The following MYO3B variants were observed in gnomAD, a reference collection of about 807,000 sequenced individuals.
MYO3B encodes myosin-IIIb.
A neutral mutation model predicts 174.6 loss-of-function variants in MYO3B; 156 were observed. The observed-to-expected ratio is 0.89, with a 90% CI of 0.78 to 1.02. The LOEUF (loss-of-function observed/expected upper bound fraction) is 1.02, where lower values mean the gene tolerates loss of function less well. Among genes scored for constraint, MYO3B ranks in the 50% least tolerant of loss-of-function variants. The probability of loss-of-function intolerance (pLI) is 0.00; values close to 1 mark genes in which losing one functional copy is unlikely to be tolerated. For missense variants in MYO3B, 1,632 were observed against 1,639.4 expected, an observed-to-expected ratio of 1.00 and a Z score of 0.08; for synonymous variants, 563 against 569.1, an observed-to-expected ratio of 0.99 and a Z score of 0.15.
chr2:170,508,951 C>T (rs1048619952), intron 28 of MYO3B, among the ~76,000 whole-genome samples: 6 of 152,142 alleles, frequency 3.9e-5, no homozygotes, highest in Non-Finnish European at 7.3e-5. Flanking sequence ...GCTCATGGTA[C>T]GTATTCACTA....
chr2:170,573,749 A>G (rs973516854), intron 32 of MYO3B, among the ~76,000 whole-genome samples: 8 of 152,204 alleles, frequency 5.3e-5, no homozygotes, highest in Admixed American at 1.3e-4. Flanking sequence ...AAGAAAAAAG[A>G]GACTTGTTAA....
intron 28 of MYO3B, among the ~76,000 whole-genome samples, chr2:170,506,046 G>T (rs1687602134): frequency 6.6e-6 from 1 of 152,232 alleles, no homozygotes; most frequent in Non-Finnish European, 1.5e-5. Flanking sequence ...TTTCTCTTCT[G>T]ATGCTCTTTG....
intron 25 of MYO3B, among the ~76,000 whole-genome samples, chr2:170,480,709 A>C (rs1162353704): frequency 6.6e-6 from 1 of 152,182 alleles, no homozygotes; most frequent in Non-Finnish European, 1.5e-5. Flanking sequence ...GACAATGTCC[A>C]AATTGATTTG....
At chr2:170,297,250 C>A (rs956927680) in intron 7 of MYO3B, among the ~76,000 whole-genome samples, 1 of 151,802 alleles carries the variant, frequency 6.6e-6, no homozygotes, top group Middle Eastern at 3.4e-3. Context: ...CCCCCCAATA[C>A]CCCTTCCATA....
intron 23 of MYO3B, among the ~76,000 whole-genome samples, chr2:170,453,569 C>T (rs916490649): frequency 1.3e-5 from 2 of 152,006 alleles, no homozygotes; most frequent in Non-Finnish European, 1.5e-5. Flanking sequence ...CCTTTCTCTG[C>T]AACTTTCAGA....
intron 6 of MYO3B, among the ~76,000 whole-genome samples, chr2:170,220,025 A>G (rs557229168): frequency 2.6e-4 from 39 of 151,262 alleles, no homozygotes; most frequent in Non-Finnish European, 4.1e-4. Flanking sequence ...TTGGGAGGCC[A>G]AGGTGGGCAG....
At chr2:170,566,368 A>G (rs113210272) in intron 32 of MYO3B, among the ~76,000 whole-genome samples, 7 of 152,226 alleles carry the variant, frequency 4.6e-5, no homozygotes, top group South Asian at 4.1e-4. Context: ...ATGGCATTGC[A>G]TAATCATTTT....
At chr2:170,185,825 C>T (rs573113645) in intron 1 of MYO3B, among the ~76,000 whole-genome samples, 2 of 151,722 alleles carry the variant, frequency 1.3e-5, no homozygotes, top group African/African-American at 4.8e-5. Flanking sequence ...TTTCTTTCAT[C>T]AGTGTTTTAT....
intron 7 of MYO3B, among the ~76,000 whole-genome samples, chr2:170,305,920 C>T (rs965921639): frequency 6.6e-6 from 1 of 152,062 alleles, no homozygotes; most frequent in Admixed American, 6.6e-5. Context: ...AAGCGATAAA[C>T]ATTTTATTGC....
intron 32 of MYO3B, chr2:170,602,075 T>G: frequency 9.5e-7 from 1 of 1,053,288 alleles, no homozygotes; most frequent in South Asian, 1.3e-5. Flanking sequence ...TTAGCAGACA[T>G]GGCCTTCCAC....
intron 25 of MYO3B, among the ~76,000 whole-genome samples, chr2:170,490,121 C>T (rs561697102): frequency 6.6e-6 from 1 of 151,574 alleles, no homozygotes; most frequent in African/African-American, 2.4e-5. Context: ...CTCCGCCTCC[C>T]GGGTTCAAGC....
At chr2:170,648,021 T>C (rs559505802) in intron 32 of MYO3B, 61 of 152,354 alleles carry the variant, frequency 4.0e-4, no homozygotes, top group African/African-American at 1.4e-3. Flanking sequence ...CTCCAGAGCA[T>C]ACTTCACACC....
intron 32 of MYO3B, among the ~76,000 whole-genome samples, chr2:170,550,753 C>A (rs1690823967): frequency 6.6e-6 from 1 of 152,134 alleles, no homozygotes; most frequent in Admixed American, 6.5e-5. Context: ...CTCAAGTGAT[C>A]TCATTAAATT....
intron 7 of MYO3B, among the ~76,000 whole-genome samples, chr2:170,268,983 A>G (rs1051821919): frequency 6.6e-6 from 1 of 152,186 alleles, no homozygotes. Flanking sequence ...TCAGGTAAGA[A>G]AAGTGCGTGA....
intron 25 of MYO3B, among the ~76,000 whole-genome samples, chr2:170,482,936 C>T (rs557319480): frequency 6.6e-6 from 1 of 152,350 alleles, no homozygotes; most frequent in East Asian, 1.9e-4. Context: ...TTCTTAGTTG[C>T]CTAAGGCAAT....
In MYO3B at chr2:170,489,634, G is replaced by GGTGTGTGT. The variant is rs369174830; in HGVS notation, c.3015-8931_3015-8924dup. On this transcript the variant is annotated intron_variant, in intron 25 of 34. Transcript: ENST00000408978. Reference sequence around the variant, plus strand: ...TCTCCAGAGAAACAAAACCAGTAGGGGTGTGTGTGTGTGTGTGTGTGTGTG... The same window carrying GGTGTGTGT: ...TCTCCAGAGAAACAAAACCAGTAGGGGTGTGTGTGTGTGTGTGTGTGTGTGTGTGTGTG... 6.0e-3 allele frequency among the ~76,000 whole-genome samples: 837 copies of GGTGTGTGT among 139,380 alleles called. 4 individuals carry two copies. Among genetic ancestry groups the GGTGTGTGT allele is most frequent in the African/African-American group, 7.1e-3 (252 of 35,730 alleles). 91.4% of individuals were successfully genotyped at this position (139,380 alleles called of 152,430 possible).
chr2:170,267,395 C>T (rs1222292961), intron 7 of MYO3B, among the ~76,000 whole-genome samples: 1 of 152,166 alleles, frequency 6.6e-6, no homozygotes, highest in Non-Finnish European at 1.5e-5. Flanking sequence ...AATTATAAGG[C>T]TGGGAATATA....
In MYO3B at chr2:170,631,861, A is replaced by G. The variant is rs541769287; in HGVS notation, c.3734-19767A>G. Among the ~76,000 whole-genome samples the G allele has an allele frequency of 2.0e-5, 3 of 152,356 alleles. No homozygotes were observed. In the East Asian group the frequency reaches 5.8e-4, roughly 29 times the overall value. ...AGGGGTTGCAATGCTACTCTCTGAT[A>G]AAACAGAGTTTAAACCAACAAAGAT... On this transcript the variant is annotated intron_variant, in intron 32 of 34. Coordinates refer to ENST00000408978, the MANE Select transcript of MYO3B (RefSeq NM_138995.5).
chr2:170,586,343 G>A (rs1693496995), intron 32 of MYO3B, among the ~76,000 whole-genome samples: 1 of 152,148 alleles, frequency 6.6e-6, no homozygotes, highest in Non-Finnish European at 1.5e-5. Context: ...AGAAACATAA[G>A]GCTCAGAGCA....
Sources: gnomAD v4.1 joint callset for allele counts (sites outside exome capture counted in the v4.1 genomes callset) on GRCh38, gnomAD v4.1.1 for gene constraint, MANE v1.5 for transcripts, NCBI Gene and HGNC (gene_info 2026-07-23, HGNC 2026-07-21) for gene names.